WSCD2: variants seen among roughly 807,000 people sequenced by gnomAD.
WSCD2 encodes WSC domain sialate O sulfotransferase 2.
A neutral mutation model predicts 55.7 loss-of-function variants in WSCD2; 28 were observed. The observed-to-expected ratio is 0.50, with a 90% CI of 0.37 to 0.69. WSCD2 has a LOEUF of 0.69. Among genes scored for constraint, WSCD2 ranks in the 30% least tolerant of loss-of-function variants. The probability of loss-of-function intolerance (pLI) is 0.00; values close to 1 mark genes in which losing one functional copy is unlikely to be tolerated. For missense variants in WSCD2, 616 were observed against 762.1 expected, an observed-to-expected ratio of 0.81 and a Z score of 2.26; for synonymous variants, 301 against 301.9, an observed-to-expected ratio of 1.00 and a Z score of 0.03.
At chr12:108,150,620 G>C (rs1013832160) in intron 1 of WSCD2, among the ~76,000 whole-genome samples, 14 of 152,296 alleles carry the variant, frequency 9.2e-5, no homozygotes, top group African/African-American at 3.4e-4. Context: ...CAGAAGTAAA[G>C]AGGATGCAGT....
At position 108,250,122 on chromosome 12, in the gene WSCD2, A is replaced by G. The variant is rs1173640459; in HGVS notation, c.*1779A>G. 6.6e-6 allele frequency: 1 copy of G among 151,578 alleles called. No individual in the cohort carries two copies. The highest frequency in any genetic ancestry group is 1.5e-5 in the Non-Finnish European group (1 of 67,962). 9.4% of individuals were successfully genotyped at this position (151,578 alleles called of 1,614,324 possible). On this transcript the variant is annotated 3_prime_UTR_variant, in exon 9 of 9. Coordinates refer to ENST00000547525, the MANE Select transcript of WSCD2 (RefSeq NM_014653.4). ...TGCGAGTTTTGTTGATGATTCTACC[A>G]TGTGGTAGAGTGTTGTGTAAGACAG...
At chr12:108,181,834 C>G (rs150057883) in intron 1 of WSCD2, among the ~76,000 whole-genome samples, 18 of 152,336 alleles carry the variant, frequency 1.2e-4, no homozygotes, top group African/African-American at 3.6e-4. Context: ...ATAACAATAA[C>G]TGTGGTTGTG....
intron 8 of WSCD2, among the ~76,000 whole-genome samples, chr12:108,242,618 T>C (rs1333200512): frequency 1.3e-5 from 2 of 152,158 alleles, no homozygotes; most frequent in African/African-American, 2.4e-5. Flanking sequence ...ATATTTTTTT[T>C]CAACTTTTAT....
Position 108,132,036 on chromosome 12 carries a change from T to TTG in WSCD2, c.-552+2124_-552+2125dup, listed in dbSNP as rs756079451. Among the ~76,000 whole-genome samples, 1,091 of 151,572 alleles carry TTG rather than the reference T, an allele frequency of 7.2e-3. 20 individuals are homozygous for TTG. Among genetic ancestry groups the TTG allele is most frequent in the African/African-American group, 0.023 (947 of 41,330 alleles). ...CTGGGGAAAGAAGTGTCTTACAGCA[T>TTG]TGTGTGTGTGTGTGTACGCATGTGT... On this transcript the variant is annotated intron_variant, in intron 1 of 8. Transcript: ENST00000547525.
At chr12:108,215,022 G>A (rs755587916) in intron 4 of WSCD2, among the ~76,000 whole-genome samples, 1 of 152,202 alleles carries the variant, frequency 6.6e-6, no homozygotes, top group Non-Finnish European at 1.5e-5. Context: ...TTGCTGGAAT[G>A]GACCATGTCT....
At chr12:108,178,887 G>A in intron 1 of WSCD2, among the ~76,000 whole-genome samples, 1 of 152,188 alleles carries the variant, frequency 6.6e-6, no homozygotes. Context: ...CACCCTCTGA[G>A]TAGTAGTTTG....
At position 108,224,675 on chromosome 12, in the gene WSCD2, G is replaced by C. The variant is rs1887884846; in HGVS notation, c.683-64G>C. 5.1e-6 allele frequency: 8 copies of C among 1,560,308 alleles called. No homozygotes were observed. In the Admixed American group the frequency reaches 1.3e-4, roughly 25 times the overall value. On this transcript the variant is annotated intron_variant, in intron 4 of 8. Transcript: ENST00000547525. ...CTTCTCTGAGCTTTCTTCAGAATGTGGTTTTCCCAACCAGATCTGACTCCT... is the reference window on the plus strand; with the variant it reads ...CTTCTCTGAGCTTTCTTCAGAATGTCGTTTTCCCAACCAGATCTGACTCCT...
intron 1 of WSCD2, among the ~76,000 whole-genome samples, chr12:108,153,758 C>T (rs1315275949): frequency 6.6e-6 from 1 of 152,162 alleles, no homozygotes; most frequent in Non-Finnish European, 1.5e-5. Context: ...CCATCCTTGA[C>T]CCAGCTTCCA....
In WSCD2 at chr12:108,191,573, G is replaced by A. The variant is rs546477588; in HGVS notation, c.-551-3709G>A. On this transcript the variant is annotated intron_variant, in intron 1 of 8. Transcript: ENST00000547525. ...TTACAGTTCTCCAAGGCTGTCACCT[G>A]AGTGTTTTGGCCAGTGTGTGAAGCC... is the stretch of plus-strand genomic sequence containing the variant. Among the ~76,000 whole-genome samples the A allele has an allele frequency of 6.6e-5, 10 of 152,340 alleles. No homozygotes were observed. The East Asian group carries it at 1.9e-3, about 29-fold the overall frequency.
chr12:108,234,640 C>A (rs1399867757), intron 7 of WSCD2, among the ~76,000 whole-genome samples: 3 of 152,194 alleles, frequency 2.0e-5, no homozygotes, highest in Admixed American at 2.0e-4. Context: ...CTTGTGGGAG[C>A]TGCTGGGAAG....
rs56944563 is a variant in WSCD2, at chr12:108,211,630, CATAT to C, written c.682+1343_682+1346del. ...AAAATGTGTCCAGTGTTTCAAATCC[CATAT>C]ATATATATATATATATACATATATA... On this transcript the variant is annotated intron_variant, in intron 4 of 8. Coordinates refer to ENST00000547525, the MANE Select transcript of WSCD2 (RefSeq NM_014653.4). Among the ~76,000 whole-genome samples the C allele has an allele frequency of 5.7e-3, 784 of 138,390 alleles. 8 individuals are homozygous for C. Among genetic ancestry groups the C allele is most frequent in the African/African-American group, 0.015 (561 of 36,748 alleles). 90.8% of individuals were successfully genotyped at this position (138,390 alleles called of 152,430 possible).
chr12:108,130,475 GGTGTGT>G (rs559546028), intron 1 of WSCD2, among the ~76,000 whole-genome samples: 22,812 of 134,292 alleles, frequency 0.17, 2,122 homozygotes, highest in Middle Eastern at 0.26. Flanking sequence ...TCCATTCTGG[GGTGTGT>G]GTGTGTGTGT....
intron 3 of WSCD2, among the ~76,000 whole-genome samples, chr12:108,209,498 T>C (rs1194944973): frequency 6.6e-6 from 1 of 152,078 alleles, no homozygotes; most frequent in African/African-American, 2.4e-5. Context: ...GTGACAGGTG[T>C]ACCATGAGCA....
At chr12:108,130,480 GTGT>G (rs1565905461) in intron 1 of WSCD2, among the ~76,000 whole-genome samples, 7 of 46,588 alleles carry the variant, frequency 1.5e-4, no homozygotes, top group Non-Finnish European at 1.9e-4. Context: ...TCTGGGGTGT[GTGT>G]GTGTGTGTGT....
rs2137196248 is a variant in WSCD2, at chr12:108,232,782, T to C, written c.1031T>C (p.Ile344Thr). The C allele has an allele frequency of 2.5e-6, 4 of 1,613,958 alleles. No individual in the cohort carries two copies. The highest frequency in any genetic ancestry group is 1.1e-5 in the South Asian group (1 of 91,072). ...RFLPGKSKQLIALASFPGAGN... is the reference protein window; with the variant it reads ...RFLPGKSKQLTALASFPGAGN... ...CTGCCAGGCAAGTCCAAGCAGCTCA[T>C]TGCTTTGGCCAGCTTCCCAGGTGCT... The change falls in exon 7 of 9, where the codon ATT becomes ACT. Residue 344 changes from isoleucine (I) to threonine (T), a missense_variant. Physicochemically the swap from Ile to Thr is moderately conservative, Grantham distance 89. Transcript: ENST00000547525.
intron 1 of WSCD2, among the ~76,000 whole-genome samples, chr12:108,161,100 G>A (rs1026307114): frequency 6.6e-6 from 1 of 152,202 alleles, no homozygotes; most frequent in Non-Finnish European, 1.5e-5. Context: ...CCACACACAT[G>A]GTGTATGTGA....
At chr12:108,236,691 T>A (rs377067764) in intron 7 of WSCD2, among the ~76,000 whole-genome samples, 1 of 152,118 alleles carries the variant, frequency 6.6e-6, no homozygotes, top group East Asian at 1.9e-4. Context: ...CTCTGTTCTC[T>A]CTCTAGGTGT....
chr12:108,201,510 G>A (rs1291376308), intron 2 of WSCD2, among the ~76,000 whole-genome samples: 1 of 138,208 alleles, frequency 7.2e-6, no homozygotes, highest in Non-Finnish European at 1.6e-5. Flanking sequence ...CATTTTGTTG[G>A]GGTGTGGGTG....
intron 7 of WSCD2, among the ~76,000 whole-genome samples, chr12:108,237,185 C>A (rs1309591666): frequency 6.6e-6 from 1 of 152,212 alleles, no homozygotes; most frequent in Non-Finnish European, 1.5e-5. Context: ...CAGAGATGTG[C>A]AGTATCTGCC....
Sources: allele counts gnomAD v4.1 joint callset (sites outside exome capture counted in the v4.1 genomes callset), GRCh38; gene constraint gnomAD v4.1.1; transcripts MANE v1.5; gene names NCBI Gene and HGNC (gene_info 2026-07-23, HGNC 2026-07-21).